The following ARID2 variants were observed in gnomAD, a reference collection of about 807,000 sequenced individuals.
ARID2 encodes the protein AT-rich interactive domain-containing protein 2.
A neutral mutation model predicts 184.6 loss-of-function variants in ARID2; 32 were observed. That is an observed-to-expected ratio of 0.17 (90% CI 0.13 to 0.23). The LOEUF is 0.23. ARID2 is among the 10% of genes least tolerant of loss of function. The pLI, the probability that ARID2 is intolerant of heterozygous loss-of-function variation, is 1.00. For synonymous variants in ARID2, 836 were observed against 772.6 expected (o/e 1.08, Z -1.36); for missense variants, 1,696 against 2,197.6 (o/e 0.77, Z 4.56).
chr12:45,756,284 G>C (rs947884787), intron 3 of ARID2, among the ~76,000 whole-genome samples: 1 of 152,188 alleles, frequency 6.6e-6, no homozygotes, highest in Non-Finnish European at 1.5e-5. Context: ...AAAAGGGACT[G>C]TTCAGGAAAG....
intron 6 of ARID2, among the ~76,000 whole-genome samples, chr12:45,830,793 T>C (rs754775370): frequency 2.8e-4 from 42 of 152,152 alleles, no homozygotes; most frequent in Non-Finnish European, 5.1e-4. Context: ...CTCACGCCTA[T>C]AATCCCAACA....
chr12:45,843,927 T>A (rs1016245510), intron 11 of ARID2, among the ~76,000 whole-genome samples: 6 of 152,238 alleles, frequency 3.9e-5, no homozygotes, highest in Admixed American at 1.3e-4. Context: ...TGTTAGTATG[T>A]TAGTGTGACG....
chr12:45,838,635 G>T (rs559512654), intron 10 of ARID2, among the ~76,000 whole-genome samples: 2 of 152,000 alleles, frequency 1.3e-5, no homozygotes, highest in Admixed American at 6.6e-5. Flanking sequence ...ATGTAGTGGT[G>T]CATGCCTGTA....
At chr12:45,857,499 TATAAA>T (rs1223276396) in intron 15 of ARID2, among the ~76,000 whole-genome samples, 1 of 152,218 alleles carries the variant, frequency 6.6e-6, no homozygotes, top group Non-Finnish European at 1.5e-5. Context: ...AATGTGTTCT[TATAAA>T]GTAGTGTTGG....
rs181885408 is a variant in ARID2, at chr12:45,807,690, T to C, written c.285-3728T>C. 3.3e-5 allele frequency among the ~76,000 whole-genome samples: 5 copies of C among 152,326 alleles called. No homozygotes were observed. In the East Asian group the frequency reaches 9.6e-4, roughly 29 times the overall value. On this transcript the variant is annotated intron_variant, in intron 3 of 20. Coordinates refer to ENST00000334344, the MANE Select transcript of ARID2 (RefSeq NM_152641.4). ...CATTGTGGTTAGAAAATGTGCCCTA[T>C]ATAACATATAATCTTAAATTTATTG...
intron 3 of ARID2, among the ~76,000 whole-genome samples, chr12:45,775,070 A>G (rs1394455028): frequency 6.6e-6 from 1 of 152,154 alleles, no homozygotes; most frequent in Non-Finnish European, 1.5e-5. Flanking sequence ...ATCCAGCCTG[A>G]AATGTTAATA....
intron 16 of ARID2, among the ~76,000 whole-genome samples, chr12:45,863,297 A>C (rs1205152240): frequency 6.6e-6 from 1 of 152,250 alleles, no homozygotes; most frequent in Non-Finnish European, 1.5e-5. Context: ...TACTACAAGC[A>C]TAACGACATG....
Position 45,860,890 on chromosome 12 carries a change from T to C in ARID2, c.4863T>C (p.Pro1621=). ...QPSPFSGSSQ[P]GDPMRKPGQN... ...CTCCATTCAGTGGATCCAGTCAGCC[T>C]GGAGATCCAATGAGAAAACCTGGAC... The change falls in exon 16 of 21, where the codon CCT becomes CCC. Residue 1621 remains proline, a synonymous_variant. Coordinates refer to ENST00000334344, the MANE Select transcript of ARID2 (RefSeq NM_152641.4). 1.2e-6 allele frequency: 2 copies of C among 1,603,904 alleles called. No individual in the cohort carries two copies. The highest frequency in any genetic ancestry group is 1.7e-6 in the Non-Finnish European group (2 of 1,174,952).
At chr12:45,841,692 A>G (rs144822110) in intron 11 of ARID2, 1 of 152,306 alleles carries the variant, frequency 6.6e-6, no homozygotes, top group East Asian at 1.9e-4. Context: ...TTTAAAAGAA[A>G]ATAATTACAG....
rs769087666 is a variant in ARID2, at chr12:45,852,325, T to C, written c.4202T>C (p.Ile1401Thr). 2 of 1,614,192 alleles carry C rather than the reference T, an allele frequency of 1.2e-6. No homozygotes were observed. Among genetic ancestry groups the C allele is most frequent in the South Asian group, 1.1e-5 (1 of 91,080 alleles). ...ATGGAACCACAAGGGACTTTAGATA[T>C]CACTCAGCAAGATACTGCCAAAGGT... ...SPMEPQGTLD[I>T]TQQDTAKGDQ... The change falls in exon 15 of 21, where the codon ATC (isoleucine) becomes ACC (threonine). Residue 1401 changes from isoleucine to threonine, a missense_variant. Physicochemically the swap from Ile to Thr is moderately conservative, Grantham distance 89. Coordinates refer to ENST00000334344, the MANE Select transcript of ARID2 (RefSeq NM_152641.4).
chr12:45,822,904 CA>C (rs1565609321), intron 6 of ARID2, among the ~76,000 whole-genome samples: 1 of 152,250 alleles, frequency 6.6e-6, no homozygotes, highest in East Asian at 1.9e-4. Flanking sequence ...CAGCATTGGA[CA>C]GATCATCTAG....
chr12:45,739,400 T>C (rs1482957814), intron 3 of ARID2, among the ~76,000 whole-genome samples: 8 of 151,228 alleles, frequency 5.3e-5, no homozygotes, highest in African/African-American at 1.9e-4. Context: ...TAAATAATTT[T>C]TAAAACTACC....
At position 45,905,027 on chromosome 12, in the gene ARID2, T is replaced by C; in HGVS notation, c.5457T>C (p.Asn1819=). 1 of 1,613,976 alleles carries C rather than the reference T, an allele frequency of 6.2e-7. No homozygotes were observed. Among genetic ancestry groups the C allele is most frequent in the Non-Finnish European group, 8.5e-7 (1 of 1,179,932 alleles). ...STLAKCLYEL[N]FTVQSKEQEK... is the part of the protein sequence containing the mutation. ...TTGCCAAATGCCTTTATGAACTTAA[T>C]TTTACAGTTCAGAGTAAGGAACAAG... Residue 1819 remains asparagine (N), a synonymous_variant, in exon 21 of 21, where the codon AAT becomes AAC. Transcript: ENST00000334344.
intron 20 of ARID2, chr12:45,904,229 C>T (rs1474009971): frequency 3.3e-6 from 2 of 603,168 alleles, no homozygotes; most frequent in African/African-American, 1.9e-5. Context: ...TTAATGAAGA[C>T]TAAGAAGCTT....
intron 3 of ARID2, among the ~76,000 whole-genome samples, chr12:45,791,557 C>T (rs1390250744): frequency 6.6e-6 from 1 of 151,998 alleles, no homozygotes; most frequent in Admixed American, 6.6e-5. Context: ...ATGAACTCTT[C>T]TCCTTATTTT....
intron 10 of ARID2, 53 bp from the exon 11 acceptor site, chr12:45,839,276 G>T (rs1943287655): frequency 1.4e-6 from 2 of 1,471,674 alleles, no homozygotes; most frequent in East Asian, 4.7e-5. Flanking sequence ...ACCAGTGATG[G>T]CATTCATTTA....
intron 3 of ARID2, among the ~76,000 whole-genome samples, chr12:45,795,391 G>A (rs1253056179): frequency 1.3e-5 from 2 of 151,758 alleles, no homozygotes; most frequent in South Asian, 2.1e-4. Flanking sequence ...TTTTCTTGTG[G>A]TACTCTGCTC....
At chr12:45,897,581 GT>G (rs1361145702) in intron 20 of ARID2, among the ~76,000 whole-genome samples, 2 of 152,124 alleles carry the variant, frequency 1.3e-5, no homozygotes, top group African/African-American at 2.4e-5. Flanking sequence ...AGAATTACCT[GT>G]TTCATTCAGC....
At chr12:45,854,425 A>G (rs993723011) in intron 15 of ARID2, among the ~76,000 whole-genome samples, 1 of 152,306 alleles carries the variant, frequency 6.6e-6, no homozygotes, top group African/African-American at 2.4e-5. Context: ...GGGATGTTAT[A>G]TACATGGCAA....
Sources: allele counts gnomAD v4.1 joint callset (sites outside exome capture counted in the v4.1 genomes callset), GRCh38; gene constraint gnomAD v4.1.1; transcripts MANE v1.5; gene names NCBI Gene and HGNC (gene_info 2026-07-23, HGNC 2026-07-21).